ZFPM2: variants seen among roughly 807,000 people sequenced by gnomAD.
The protein encoded by ZFPM2 is zinc finger protein ZFPM2.
Under a neutral mutation model 98.6 loss-of-function variants are expected in ZFPM2, and 20 were observed. The observed-to-expected ratio is 0.20, with a 90% CI of 0.14 to 0.29. ZFPM2 has a LOEUF of 0.29. Among genes scored for constraint, ZFPM2 ranks in the 10% least tolerant of loss-of-function variants. The probability of loss-of-function intolerance (pLI) is 1.00; values close to 1 mark genes in which losing one functional copy is unlikely to be tolerated. For missense variants in ZFPM2, 1,310 were observed against 1,388.6 expected, an observed-to-expected ratio of 0.94 and a Z score of 0.90; for synonymous variants, 518 against 502.7, an observed-to-expected ratio of 1.03 and a Z score of -0.41.
chr8:105,801,537 G>T lies in ZFPM2; in HGVS notation c.1455G>T (p.Gln485His). ...CAAGACTTGCCTCATCTCCAGTTCAGCCTAATATTGGGCCTTCTTTCCCTG... is the reference window on the plus strand; with the variant it reads ...CAAGACTTGCCTCATCTCCAGTTCATCCTAATATTGGGCCTTCTTTCCCTG... ...SSPRLASSPV[Q>H]PNIGPSFPVG... The change falls in exon 8 of 8, where the codon CAG becomes CAT. Residue 485 changes from glutamine to histidine, a missense_variant. Transcript: ENST00000407775. 5 of 1,613,922 alleles carry T rather than the reference G, an allele frequency of 3.1e-6. No individual in the cohort carries two copies. Among genetic ancestry groups the T allele is most frequent in the Non-Finnish European group, 4.2e-6 (5 of 1,179,872 alleles).
Position 105,388,997 on chromosome 8 carries a change from C to T in ZFPM2, c.41-30147C>T, listed in dbSNP as rs1312699232. Among the ~76,000 whole-genome samples the T allele has an allele frequency of 2.7e-5, 4 of 145,930 alleles. No individual in the cohort carries two copies. The East Asian group carries it at 8.3e-4, about 30-fold the overall frequency. ...GAGAGAGCTAATTTAGAAAACAAAA[C>T]CACAGAATTTGATGACGTGTGTGTG... On this transcript the variant is annotated intron_variant, in intron 1 of 7. Transcript: ENST00000407775.
rs543450487 is a variant in ZFPM2, at chr8:105,802,338, G to A, written c.2256G>A (p.Arg752=). ...YEMCLPEQEQ[R]PPLVQQRFLD... is the part of the protein sequence containing the mutation. ...TGTGCCTACCTGAGCAGGAACAAAGGCCTCCACTGGTTCAGCAGAGATTTC... is the reference window on the plus strand; with the variant it reads ...TGTGCCTACCTGAGCAGGAACAAAGACCTCCACTGGTTCAGCAGAGATTTC... Residue 752 remains arginine, a synonymous_variant, in exon 8 of 8, where the codon AGG becomes AGA. Coordinates refer to ENST00000407775, the MANE Select transcript of ZFPM2 (RefSeq NM_012082.4). 3 of 1,613,758 alleles carry A rather than the reference G, an allele frequency of 1.9e-6. No individual in the cohort carries two copies. Among genetic ancestry groups the A allele is most frequent in the Middle Eastern group, 1.6e-4 (1 of 6,062 alleles).
intron 3 of ZFPM2, among the ~76,000 whole-genome samples, chr8:105,551,983 C>T (rs1165105412): frequency 6.6e-6 from 1 of 152,006 alleles, no homozygotes; most frequent in African/African-American, 2.4e-5. Context: ...TCTAAATTAA[C>T]GACAGCAGCC....
At chr8:105,683,673 C>A (rs1401272999) in intron 5 of ZFPM2, among the ~76,000 whole-genome samples, 2 of 152,112 alleles carry the variant, frequency 1.3e-5, no homozygotes, top group Non-Finnish European at 2.9e-5. Context: ...TTCCTTTCTT[C>A]TGATTTATTC....
At chr8:105,395,058 G>GTTTC (rs1811193770) in intron 1 of ZFPM2, among the ~76,000 whole-genome samples, 1 of 152,126 alleles carries the variant, frequency 6.6e-6, no homozygotes, top group African/African-American at 2.4e-5. Flanking sequence ...TCTTTAGTTT[G>GTTTC]TTTCTACTGG....
chr8:105,634,237 T>C lies in ZFPM2; in HGVS notation c.421-9T>C. On this transcript the variant is annotated splice_polypyrimidine_tract_variant and intron_variant, in intron 4 of 7. Transcript: ENST00000407775. ...AAATGGCATCTGTTTGTTATCATTC[T>C]TTCTACAGAAGACAAAGGCTCAGGT... 2 of 1,606,470 alleles carry C rather than the reference T, an allele frequency of 1.2e-6. No homozygotes were observed. The highest frequency in any genetic ancestry group is 8.5e-7 in the Non-Finnish European group (1 of 1,175,682).
intron 3 of ZFPM2, among the ~76,000 whole-genome samples, chr8:105,458,892 C>G (rs1263185980): frequency 6.6e-6 from 1 of 151,740 alleles, no homozygotes; most frequent in Non-Finnish European, 1.5e-5. Flanking sequence ...AGGGGGACAT[C>G]TGGTTCCCTT....
chr8:105,690,378 T>C (rs902619541), intron 5 of ZFPM2, among the ~76,000 whole-genome samples: 1 of 152,172 alleles, frequency 6.6e-6, no homozygotes, highest in African/African-American at 2.4e-5. Context: ...GGAAACAGAT[T>C]TAGCTGGCAT....
chr8:105,383,453 T>C (rs1372386615), intron 1 of ZFPM2, among the ~76,000 whole-genome samples: 2 of 152,162 alleles, frequency 1.3e-5, no homozygotes, highest in African/African-American at 2.4e-5. Context: ...TTATGTGGTG[T>C]ATTATTTTGT....
intron 1 of ZFPM2, among the ~76,000 whole-genome samples, chr8:105,336,259 G>A (rs1009584441): frequency 6.6e-6 from 1 of 151,610 alleles, no homozygotes; most frequent in Non-Finnish European, 1.5e-5. Context: ...GGTTATTAAG[G>A]AGAGCTTATA....
chr8:105,394,490 G>T (rs1233550935), intron 1 of ZFPM2, among the ~76,000 whole-genome samples: 3 of 152,190 alleles, frequency 2.0e-5, no homozygotes, highest in East Asian at 1.9e-4. Flanking sequence ...GTTATTGAAA[G>T]TTCCTTGTAG....
At chr8:105,635,471 A>C (rs555673187) in intron 5 of ZFPM2, among the ~76,000 whole-genome samples, 2 of 152,138 alleles carry the variant, frequency 1.3e-5, no homozygotes, top group South Asian at 2.1e-4. Context: ...AAAAAAAAAA[A>C]CAATCTGCAC....
intron 5 of ZFPM2, among the ~76,000 whole-genome samples, chr8:105,649,705 C>G (rs1476299065): frequency 6.6e-6 from 1 of 152,152 alleles, no homozygotes; most frequent in Admixed American, 6.5e-5. Flanking sequence ...GTATGTTGAA[C>G]CAGCCTTGCA....
chr8:105,566,171 C>T (rs757225037), intron 4 of ZFPM2, among the ~76,000 whole-genome samples: 1 of 152,080 alleles, frequency 6.6e-6, no homozygotes, highest in Non-Finnish European at 1.5e-5. Context: ...TTCAGAAACG[C>T]CCTGTGAGTT....
intron 5 of ZFPM2, among the ~76,000 whole-genome samples, chr8:105,713,292 T>C (rs1811445726): frequency 6.6e-6 from 1 of 151,948 alleles, no homozygotes; most frequent in African/African-American, 2.4e-5. Context: ...TAGTGATTTT[T>C]TCATATGTTT....
chr8:105,539,544 A>G (rs1278307410), intron 3 of ZFPM2, among the ~76,000 whole-genome samples: 1 of 152,188 alleles, frequency 6.6e-6, no homozygotes, highest in Non-Finnish European at 1.5e-5. Flanking sequence ...CCTGAGACGT[A>G]TTTATTGTCT....
chr8:105,591,264 C>T (rs1351483683), intron 4 of ZFPM2, among the ~76,000 whole-genome samples: 2 of 148,922 alleles, frequency 1.3e-5, no homozygotes, highest in Non-Finnish European at 3.0e-5. Context: ...AAAAAAGCAA[C>T]AACAACAACA....
chr8:105,698,482 C>T (rs1298360089), intron 5 of ZFPM2, among the ~76,000 whole-genome samples: 3 of 152,140 alleles, frequency 2.0e-5, no homozygotes, highest in Non-Finnish European at 4.4e-5. Context: ...AAAATGTTCT[C>T]GTTACTTCTT....
At position 105,488,105 on chromosome 8, in the gene ZFPM2, A is replaced by G. The variant is rs188604540; in HGVS notation, c.301+43724A>G. 1.6e-3 allele frequency among the ~76,000 whole-genome samples: 248 copies of G among 152,284 alleles called. 2 individuals carry two copies. The highest frequency in any genetic ancestry group is 0.014 in the Admixed American group (210 of 15,298). On this transcript the variant is annotated intron_variant, in intron 3 of 7. Coordinates refer to ENST00000407775, the MANE Select transcript of ZFPM2 (RefSeq NM_012082.4). ...AACAGTACATTTGTTACAATTGATG[A>G]ATCTGTATTGACACATCATAATCAA...
Sources: allele counts gnomAD v4.1 joint callset (sites outside exome capture counted in the v4.1 genomes callset), GRCh38; gene constraint gnomAD v4.1.1; transcripts MANE v1.5; gene names NCBI Gene and HGNC (gene_info 2026-07-23, HGNC 2026-07-21).